AKT2: variants seen among roughly 807,000 people sequenced by gnomAD.
The protein encoded by AKT2 is RAC-beta serine/threonine-protein kinase.
Under a neutral mutation model 58.6 loss-of-function variants are expected in AKT2, and 16 were observed. That is an observed-to-expected ratio of 0.27 (90% confidence interval 0.18 to 0.41). The LOEUF is 0.41. AKT2 is among the 10% of genes least tolerant of loss of function. AKT2 has a pLI of 1.00. For missense variants in AKT2, 438 were observed against 661.0 expected, an observed-to-expected ratio of 0.66 and a Z score of 3.70; for synonymous variants, 253 against 254.0, an observed-to-expected ratio of 1.00 and a Z score of 0.04.
chr19:40,269,898 C>T (rs1168176965), intron 1 of AKT2, among the ~76,000 whole-genome samples: 2 of 152,184 alleles, frequency 1.3e-5, no homozygotes, highest in Non-Finnish European at 2.9e-5. Context: ...CTTCTCCGCT[C>T]GAACCCTCCC....
Position 40,241,989 on chromosome 19 carries a change from A to G in AKT2, c.522T>C (p.Thr174=), listed in dbSNP as rs779097273. 6.2e-7 allele frequency: 1 copy of G among 1,614,252 alleles called. No individual in the cohort carries two copies. The highest frequency in any genetic ancestry group is 8.5e-7 in the Non-Finnish European group (1 of 1,180,048). Residue 174 remains threonine (T), a synonymous_variant, in exon 6 of 14, where the codon ACT becomes ACC. Transcript: ENST00000392038. ...GKVILVREKA[T]GRYYAMKILR... is the part of the protein sequence containing the mutation. ...GGATCTTCATGGCGTAGTAGCGGCC[A>G]GTGGCCTTCTCCCGCACCAGGATGA...
At chr19:40,240,297 G>C in intron 6 of AKT2, 187 bp from the exon 7 acceptor site, 3 of 781,498 alleles carry the variant, frequency 3.8e-6, no homozygotes, top group Non-Finnish European at 4.7e-6. Context: ...AGGATCATCA[G>C]TGGCTCTCAA....
intron 6 of AKT2, chr19:40,241,497 G>A (rs552734682): frequency 3.4e-5 from 9 of 267,528 alleles, no homozygotes; most frequent in Admixed American, 5.0e-5. Context: ...ATGGGGGTCC[G>A]TAATATTTAT....
intron 6 of AKT2, chr19:40,241,701 G>GGCTC: frequency 1.7e-6 from 1 of 591,598 alleles, no homozygotes. Flanking sequence ...GGGGCCCCGA[G>GGCTC]GCTCTCTCTC....
chr19:40,265,078 G>T, intron 2 of AKT2, 144 bp downstream of exon 2: 1 of 1,225,548 alleles, frequency 8.2e-7, no homozygotes, highest in Non-Finnish European at 1.2e-6. Flanking sequence ...CACGAAATGG[G>T]GGCATAAGCA....
intron 1 of AKT2, chr19:40,266,309 C>G (rs1453010910): frequency 6.6e-6 from 1 of 152,332 alleles, no homozygotes. Flanking sequence ...CGGTGGCGCC[C>G]AGAGAAGTGG....
At chr19:40,258,476 C>A (rs1975712880) in intron 2 of AKT2, among the ~76,000 whole-genome samples, 1 of 151,772 alleles carries the variant, frequency 6.6e-6, no homozygotes, top group South Asian at 2.1e-4. Context: ...CGAGCCTGGG[C>A]AACATAGTGA....
At chr19:40,277,662 T>C (rs2077351576) in intron 1 of AKT2, among the ~76,000 whole-genome samples, 1 of 152,188 alleles carries the variant, frequency 6.6e-6, no homozygotes, top group South Asian at 2.1e-4. Context: ...TTTACCTGGC[T>C]GCACCCCGTC....
chr19:40,269,656 T>C (rs1568565784), intron 1 of AKT2: 2 of 152,160 alleles, frequency 1.3e-5, no homozygotes, highest in Non-Finnish European at 2.9e-5. Flanking sequence ...ACAGCAGCAA[T>C]ATTCACAGTA....
chr19:40,280,839 G>A (rs1286120231), intron 1 of AKT2: 1 of 152,292 alleles, frequency 6.6e-6, no homozygotes, highest in Non-Finnish European at 1.5e-5. Context: ...ATCTAAAGAA[G>A]TGCCCAGTCT....
intron 4 of AKT2, among the ~76,000 whole-genome samples, chr19:40,253,268 T>A (rs1014833679): frequency 5.3e-5 from 8 of 152,160 alleles, no homozygotes; most frequent in Non-Finnish European, 7.3e-5. Flanking sequence ...ACGGCATGAT[T>A]TTAGGGCTCT....
chr19:40,273,265 C>T (rs959877331), intron 1 of AKT2, among the ~76,000 whole-genome samples: 8 of 150,830 alleles, frequency 5.3e-5, no homozygotes, highest in African/African-American at 1.2e-4. Context: ...TGCTTGGACC[C>T]GGGAGGCAGA....
chr19:40,237,636 A>T lies in AKT2; in HGVS notation c.831+333T>A, dbSNP rs759240098. 6.7e-4 allele frequency: 196 copies of T among 291,468 alleles called. 2 individuals are homozygous for T. The highest frequency in any genetic ancestry group is 7.4e-4 in the Admixed American group (16 of 21,724). 18.1% of individuals were successfully genotyped at this position (291,468 alleles called of 1,614,324 possible). A position where few individuals can be genotyped will look rare whatever the true frequency, so the allele number is the denominator to read the frequency against. On this transcript the variant is annotated intron_variant, in intron 9 of 13. Transcript: ENST00000392038. The surrounding 1 kb of genome is among the most constrained non-coding windows in gnomAD (Gnocchi z 4.5). ...CTCAACAGAGTAAGACTCCTCAAAA[A>T]TAAATAAATAAATAAATACAAATAA...
Position 40,255,091 on chromosome 19 carries a change from T to A in AKT2, c.287+67A>T, listed in dbSNP as rs549854357. ...GGGTCCCAGGGAAAATCTCTCCAGC[T>A]GTACCTTTTCTCCTCACACCAGGCT... On this transcript the variant is annotated intron_variant, in intron 4 of 13. Transcript: ENST00000392038. The A allele has an allele frequency of 3.9e-6, 5 of 1,283,280 alleles. No homozygotes were observed. The African/African-American group carries it at 7.3e-5, about 19-fold the overall frequency. The allele number at this position is 1,283,280 out of a possible 1,614,324, so 79.5% of individuals were successfully genotyped here. A position where few individuals can be genotyped will look rare whatever the true frequency, so the allele number is the denominator to read the frequency against.
At position 40,231,870 on chromosome 19, in the gene AKT2, T is replaced by G. The variant is rs920597484; in HGVS notation, c.*2002A>C. The G allele has an allele frequency of 4.3e-6, 1 of 233,202 alleles. No individual in the cohort carries two copies. The highest frequency in any genetic ancestry group is 5.6e-5 in the Admixed American group (1 of 17,774). The allele number at this position is 233,202 out of a possible 1,614,324, so 14.4% of individuals were successfully genotyped here. ...CACACCACTGGGTCTGTACTGGAAT[T>G]TGGGGGCCTCAAGGCTTCCAGGTGG... On this transcript the variant is annotated 3_prime_UTR_variant, in exon 14 of 14. Coordinates refer to ENST00000392038, the MANE Select transcript of AKT2 (RefSeq NM_001626.6).
chr19:40,257,586 A>AACACACACAC (rs59835118), intron 2 of AKT2, among the ~76,000 whole-genome samples: 3,385 of 146,196 alleles, frequency 0.023, 106 homozygotes, highest in African/African-American at 0.068. Context: ...TATGCACACA[A>AACACACACAC]ACACACACAC....
In AKT2 at chr19:40,235,007, G is replaced by C; in HGVS notation, c.1366+38C>G. ...GAGCAGATCCCATCCCTCCACCCCTGGGGCAGGCACACCAGCGCGGGGGCC... is the reference window on the plus strand; with the variant it reads ...GAGCAGATCCCATCCCTCCACCCCTCGGGCAGGCACACCAGCGCGGGGGCC... On this transcript the variant is annotated intron_variant, in intron 13 of 13. Transcript: ENST00000392038. The surrounding 1 kb of genome is among the most constrained non-coding windows in gnomAD (Gnocchi z 6.3). The C allele has an allele frequency of 6.4e-7, 1 of 1,561,092 alleles. No homozygotes were observed. The highest frequency in any genetic ancestry group is 1.7e-5 in the Admixed American group (1 of 59,842).
chr19:40,255,439 G>GTA, intron 3 of AKT2, 170 bp from the exon 4 acceptor site: 1 of 414,344 alleles, frequency 2.4e-6, no homozygotes, highest in Non-Finnish European at 4.3e-6. Context: ...TCAGGGTCTA[G>GTA]TGTGTGTGTG....
At chr19:40,267,237 C>G (rs999875891) in intron 1 of AKT2, among the ~76,000 whole-genome samples, 1 of 152,200 alleles carries the variant, frequency 6.6e-6, no homozygotes, top group Non-Finnish European at 1.5e-5. Flanking sequence ...AAGCCAAACT[C>G]CTCAGCTGAG....
Sources: allele counts gnomAD v4.1 joint callset (sites outside exome capture counted in the v4.1 genomes callset), GRCh38; gene constraint gnomAD v4.1.1; non-coding constraint Gnocchi (gnomAD v3.1); transcripts MANE v1.5; gene names NCBI Gene and HGNC (gene_info 2026-07-23, HGNC 2026-07-21).